TPR: variants seen among roughly 807,000 people sequenced by gnomAD.
TPR encodes nucleoprotein TPR.
Under a neutral mutation model 316.1 loss-of-function variants are expected in TPR, and 51 were observed. The observed-to-expected ratio is 0.16, with a 90% CI of 0.13 to 0.20. TPR has a LOEUF of 0.20. Among genes scored for constraint, TPR ranks in the 10% least tolerant of loss-of-function variants. TPR has a pLI of 1.00. For missense variants in TPR, 2,272 were observed against 2,754.8 expected (o/e 0.82, Z 3.92); for synonymous variants, 981 against 914.7 (o/e 1.07, Z -1.31).
rs1025870826 is a variant in TPR at position 186,313,004 on chromosome 1, C to T, written c.*967G>A. The T allele has an allele frequency of 4.1e-5, 48 of 1,174,548 alleles. No individual in the cohort carries two copies. The highest frequency in any genetic ancestry group is 2.6e-4 in the African/African-American group (17 of 66,102). 72.8% of individuals were successfully genotyped at this position (1,174,548 alleles called of 1,614,324 possible). A position where few individuals can be genotyped will look rare whatever the true frequency, so the allele number is the denominator to read the frequency against. On this transcript the variant is annotated 3_prime_UTR_variant, in exon 51 of 51. Transcript: ENST00000367478. ...TGACTGAATGTGAGAAGTTACACTA[C>T]GGTACTTATTCTAATTGCTGTGGAA... is the stretch of plus-strand genomic sequence containing the variant.
intron 3 of TPR, 136 bp from the exon 4 acceptor site, chr1:186,368,118 A>T (rs1272388727): frequency 1.8e-6 from 1 of 567,622 alleles, no homozygotes; most frequent in African/African-American, 1.9e-5. Flanking sequence ...CATCAAAGTT[A>T]AAAAATACCC....
chr1:186,364,451 A>G (rs1489962431), intron 4 of TPR, among the ~76,000 whole-genome samples: 1 of 152,234 alleles, frequency 6.6e-6, no homozygotes, highest in African/African-American at 2.4e-5. Flanking sequence ...CAAGCATAAA[A>G]AAGTGCATTT....
In TPR at chr1:186,339,732, T is replaced by A; in HGVS notation, c.4061A>T (p.Tyr1354Phe). The A allele has an allele frequency of 6.2e-7, 1 of 1,605,704 alleles. No homozygotes were observed. The highest frequency in any genetic ancestry group is 1.1e-5 in the South Asian group (1 of 89,526). Reference sequence around the variant, plus strand: ...TTCCTTTTCAGAAAGGAGCTTCCGATATTCTTCTGTATCTGGATCTTTCTG... The same window carrying A: ...TTCCTTTTCAGAAAGGAGCTTCCGAAATTCTTCTGTATCTGGATCTTTCTG... ...SQQKDPDTEE[Y>F]RKLLSEKEVH... Residue 1354 changes from tyrosine (Y) to phenylalanine (F), a missense_variant, in exon 30 of 51, where the codon TAT becomes TTT. Tyr to Phe is a conservative substitution (Grantham distance 22). Coordinates refer to ENST00000367478, the MANE Select transcript of TPR (RefSeq NM_003292.3).
At chr1:186,369,064 T>C (rs990460674) in intron 3 of TPR, among the ~76,000 whole-genome samples, 2 of 152,196 alleles carry the variant, frequency 1.3e-5, no homozygotes, top group Non-Finnish European at 2.9e-5. Flanking sequence ...TGACCATATG[T>C]TTGGATTTAT....
intron 3 of TPR, 41 bp from the exon 4 acceptor site, chr1:186,368,023 G>A: frequency 7.0e-7 from 1 of 1,427,826 alleles, no homozygotes; most frequent in East Asian, 2.3e-5. Context: ...ATCAAGTAGA[G>A]CAATACAGGA....
In TPR at chr1:186,323,686, C is replaced by A; in HGVS notation, c.6297G>T (p.Gln2099His). 1 of 1,486,294 alleles carries A rather than the reference C, an allele frequency of 6.7e-7. No homozygotes were observed. Among genetic ancestry groups the A allele is most frequent in the East Asian group, 2.7e-5 (1 of 36,748 alleles). 92.1% of individuals were successfully genotyped at this position (1,486,294 alleles called of 1,614,324 possible). The change falls in exon 43 of 51, where the codon CAG (glutamine) becomes CAT (histidine). Residue 2099 changes from glutamine to histidine, a missense_variant and splice_region_variant. Coordinates refer to ENST00000367478, the MANE Select transcript of TPR (RefSeq NM_003292.3). ...APPQELGPPV[Q>H]RIQMTRRQSV... ...TCATAATGACCAGTACTTTTAATAC[C>A]TGAACTGGTGGTCCCAACTCCTGAG...
chr1:186,356,362 A>G lies in TPR; in HGVS notation c.1812T>C (p.Val604=). The G allele has an allele frequency of 6.2e-7, 1 of 1,613,938 alleles. No homozygotes were observed. The highest frequency in any genetic ancestry group is 1.3e-5 in the African/African-American group (1 of 75,062). The change falls in exon 15 of 51, where the codon GTT becomes GTC. Residue 604 remains valine, a synonymous_variant. Transcript: ENST00000367478. ...TATCACGCTGACGAACTATGGAATCAACAAGCTGCATTTGATGCTGTCGTG... is the reference window on the plus strand; with the variant it reads ...TATCACGCTGACGAACTATGGAATCGACAAGCTGCATTTGATGCTGTCGTG... ...RKSRQHQMQL[V]DSIVRQRDMY...
chr1:186,329,712 T>C (rs1443188643), intron 39 of TPR, among the ~76,000 whole-genome samples: 2 of 152,150 alleles, frequency 1.3e-5, no homozygotes, highest in Non-Finnish European at 2.9e-5. Flanking sequence ...AGATTTAGTT[T>C]AGTGTTTTCA....
At chr1:186,349,473 G>A (rs1197109184) in intron 21 of TPR, among the ~76,000 whole-genome samples, 1 of 151,378 alleles carries the variant, frequency 6.6e-6, no homozygotes, top group Non-Finnish European at 1.5e-5. Flanking sequence ...CTAACATGGA[G>A]AAACCCCATC....
intron 27 of TPR, 137 bp from the exon 28 acceptor site, chr1:186,341,526 G>A: frequency 1.1e-6 from 1 of 925,676 alleles, no homozygotes; most frequent in Non-Finnish European, 1.5e-6. Flanking sequence ...ATTTTTGAAA[G>A]TTCACGTTTA....
chr1:186,355,024 C>T (rs1212487476), intron 17 of TPR, among the ~76,000 whole-genome samples: 1 of 152,152 alleles, frequency 6.6e-6, no homozygotes, highest in African/African-American at 2.4e-5. Flanking sequence ...CTGCCTTAGC[C>T]TCCTGAGTAG....
chr1:186,319,529 G>C (rs1657711465), intron 46 of TPR, among the ~76,000 whole-genome samples: 1 of 152,130 alleles, frequency 6.6e-6, no homozygotes, highest in Non-Finnish European at 1.5e-5. Context: ...AACATACAAA[G>C]TCACAAAATC....
intron 43 of TPR, chr1:186,322,835 A>G: frequency 2.1e-6 from 1 of 466,384 alleles, no homozygotes; most frequent in Non-Finnish European, 3.9e-6. Flanking sequence ...ACCAATACTT[A>G]AAACAGATCT....
rs374547667 is a variant in TPR, at chr1:186,361,606, A to T, written c.958+16T>A. 15 of 1,611,948 alleles carry T rather than the reference A, an allele frequency of 9.3e-6. No homozygotes were observed. In the African/African-American group the frequency reaches 2.0e-4, roughly 22 times the overall value. On this transcript the variant is annotated intron_variant, in intron 9 of 50. Coordinates refer to ENST00000367478, the MANE Select transcript of TPR (RefSeq NM_003292.3). ...ACAATAACAAAAATAATGTTCCCAT[A>T]ACTGAAAACACTTACCTTCACCAGC...
intron 29 of TPR, among the ~76,000 whole-genome samples, chr1:186,340,690 G>A (rs530666087): frequency 1.3e-5 from 2 of 152,082 alleles, no homozygotes; most frequent in South Asian, 2.1e-4. Context: ...CTTGGCTTCC[G>A]AAAGTGCTGG....
Position 186,335,554 on chromosome 1 carries a change from A to C in TPR, c.4706-11T>G. 6.4e-7 allele frequency: 1 copy of C among 1,564,406 alleles called. No homozygotes were observed. The highest frequency in any genetic ancestry group is 1.7e-4 in the Middle Eastern group (1 of 5,800). On this transcript the variant is annotated splice_polypyrimidine_tract_variant and intron_variant, in intron 33 of 50. Transcript: ENST00000367478. ...GCTGATCTTTTACACCTAAAGAAGT[A>C]ACCAGGCGATTATATTAATATTATA...
chr1:186,332,396 T>G (rs1371333345), intron 37 of TPR, 53 bp from the exon 38 acceptor site: 2 of 1,586,628 alleles, frequency 1.3e-6, no homozygotes, highest in African/African-American at 2.7e-5. Context: ...TCAATTTAGA[T>G]AAAGATAGTT....
At position 186,325,843 on chromosome 1, in the gene TPR, C is replaced by A; in HGVS notation, c.6033G>T (p.Gly2011=). 1 of 1,613,096 alleles carries A rather than the reference C, an allele frequency of 6.2e-7. No individual in the cohort carries two copies. Among genetic ancestry groups the A allele is most frequent in the Non-Finnish European group, 8.5e-7 (1 of 1,179,620 alleles). The change falls in exon 42 of 51, where the codon GGG becomes GGT. Residue 2011 remains glycine (G), a synonymous_variant. Transcript: ENST00000367478. ...YEADDAEGGD[G]TDPGTETEES... Reference sequence around the variant, plus strand: ...CTTCTGTTTCTGTACCTGGATCAGTCCCATCACCACCCTAAAAACAAAACG... The same window carrying A: ...CTTCTGTTTCTGTACCTGGATCAGTACCATCACCACCCTAAAAACAAAACG...
chr1:186,329,531 A>T (rs1187463511), intron 39 of TPR, among the ~76,000 whole-genome samples: 1 of 152,180 alleles, frequency 6.6e-6, no homozygotes, highest in African/African-American at 2.4e-5. Context: ...TTAATCTGAC[A>T]CAATATTTTT....
Sources: allele counts gnomAD v4.1 joint callset (sites outside exome capture counted in the v4.1 genomes callset), GRCh38; gene constraint gnomAD v4.1.1; transcripts MANE v1.5; gene names NCBI Gene and HGNC (gene_info 2026-07-23, HGNC 2026-07-21).